Variants in KIF2A observed in about 807,000 individuals in gnomAD.
The protein encoded by KIF2A is kinesin-like protein KIF2A.
KIF2A carries 22 observed loss-of-function variants against 100.2 expected under a neutral mutation model. That is an observed-to-expected ratio of 0.22 (90% CI 0.16 to 0.31). KIF2A has a LOEUF of 0.31. Ranked by LOEUF, KIF2A falls within the 10% of genes least tolerant of loss-of-function variation. The probability of loss-of-function intolerance (pLI) is 1.00; values close to 1 mark genes in which losing one functional copy is unlikely to be tolerated. For missense variants in KIF2A, 495 were observed against 898.7 expected (o/e 0.55, Z 5.74); for synonymous variants, 268 against 285.9 (o/e 0.94, Z 0.63).
At chr5:62,310,067 A>ATTT (rs67787762) in intron 1 of KIF2A, among the ~76,000 whole-genome samples, 4 of 123,068 alleles carry the variant, frequency 3.3e-5, no homozygotes, top group East Asian at 4.8e-4. Flanking sequence ...ATAACTAATA[A>ATTT]TTCTTTTTTT....
chr5:62,381,286 T>A (rs920303153), intron 20 of KIF2A, 33 bp downstream of exon 20: 3 of 1,586,958 alleles, frequency 1.9e-6, no homozygotes, highest in Non-Finnish European at 2.6e-6. Context: ...GTTTGAAATC[T>A]GATTGGTATT....
intron 1 of KIF2A, among the ~76,000 whole-genome samples, chr5:62,332,465 A>T (rs772767275): frequency 3.3e-5 from 5 of 152,180 alleles, no homozygotes; most frequent in Non-Finnish European, 7.4e-5. Flanking sequence ...TTGAGCCTTA[A>T]GTGGGGTAAA....
At chr5:62,344,753 A>C (rs1747471722) in intron 1 of KIF2A, among the ~76,000 whole-genome samples, 1 of 152,220 alleles carries the variant, frequency 6.6e-6, no homozygotes, top group Non-Finnish European at 1.5e-5. Context: ...TCATTTATGG[A>C]ATGCTTTGTG....
Position 62,372,487 on chromosome 5 carries a change from A to G in KIF2A, c.1696A>G (p.Ser566Gly). ...ATCAGACATTCCCTTCTCACAGGGT[A>G]GTGGCAGTCGCCCTGATCTCTCTCC... ...SPSDIPFSQGSGSRPDLSPSY... is the reference protein window; with the variant it reads ...SPSDIPFSQGGGSRPDLSPSY... The change falls in exon 17 of 21, where the codon AGT becomes GGT. Residue 566 changes from serine (S) to glycine (G), a missense_variant. Physicochemically the swap from Ser to Gly is moderately conservative, Grantham distance 56 (BLOSUM62 0). Transcript: ENST00000407818. 1 of 1,613,180 alleles carries G rather than the reference A, an allele frequency of 6.2e-7. No homozygotes were observed. Among genetic ancestry groups the G allele is most frequent in the South Asian group, 1.1e-5 (1 of 90,974 alleles).
At chr5:62,348,928 G>A (rs1028995542) in intron 3 of KIF2A, among the ~76,000 whole-genome samples, 2 of 152,188 alleles carry the variant, frequency 1.3e-5, no homozygotes. Context: ...CTTTCAGCCT[G>A]TAGGAACTTG....
rs891245694 is a variant in KIF2A at position 62,342,451 on chromosome 5, C to T, written c.65-4679C>T. On this transcript the variant is annotated intron_variant, in intron 1 of 20. Coordinates refer to ENST00000407818, the MANE Select transcript of KIF2A (RefSeq NM_001098511.3). ...TTCAGGGAGTGCAGTTAGCTGACAACCTCCAGTTGTTAGTACCTTCAGGGC... is the reference window on the plus strand; with the variant it reads ...TTCAGGGAGTGCAGTTAGCTGACAATCTCCAGTTGTTAGTACCTTCAGGGC... 7.2e-5 allele frequency among the ~76,000 whole-genome samples: 11 copies of T among 152,258 alleles called. No homozygotes were observed. The East Asian group carries it at 1.7e-3, about 24-fold the overall frequency.
chr5:62,369,489 G>C (rs247221), intron 16 of KIF2A, among the ~76,000 whole-genome samples: 73,270 of 152,020 alleles, frequency 0.48, 18,485 homozygotes, highest in East Asian at 0.63. Flanking sequence ...TTACCTCCAC[G>C]TGGTCTCTCC....
chr5:62,317,114 T>C (rs1425254761), intron 1 of KIF2A, among the ~76,000 whole-genome samples: 1 of 151,862 alleles, frequency 6.6e-6, no homozygotes, highest in Non-Finnish European at 1.5e-5. Flanking sequence ...AGTGGTGCAA[T>C]ATCGGCTCAC....
At chr5:62,347,318 G>T in intron 2 of KIF2A, 94 bp downstream of exon 2, 1 of 680,846 alleles carries the variant, frequency 1.5e-6, no homozygotes, top group South Asian at 2.1e-5. Flanking sequence ...ATTTTATTTA[G>T]TGCATATATT....
chr5:62,326,889 G>C (rs9291759), intron 1 of KIF2A, among the ~76,000 whole-genome samples: 135,505 of 152,054 alleles, frequency 0.89, 60,544 homozygotes, highest in Middle Eastern at 0.93. Context: ...CCTACCTACT[G>C]AGGAGGCTGA....
At chr5:62,368,820 A>G (rs1054365630) in intron 16 of KIF2A, among the ~76,000 whole-genome samples, 8 of 152,110 alleles carry the variant, frequency 5.3e-5, no homozygotes, top group Non-Finnish European at 1.0e-4. Flanking sequence ...AGTATGAACT[A>G]TTATATTTTG....
chr5:62,390,747 G>A lies in KIF2A; in HGVS notation c.*5178G>A. On this transcript the variant is annotated 3_prime_UTR_variant, in exon 21 of 21. Coordinates refer to ENST00000407818, the MANE Select transcript of KIF2A (RefSeq NM_001098511.3). ...TCTTCTACACCAAATACTATTCCAT[G>A]CCATGGAAGTGCTATGCAATAACTC... 1.4e-6 allele frequency: 1 copy of A among 718,212 alleles called. No homozygotes were observed. The highest frequency in any genetic ancestry group is 2.5e-5 in the East Asian group (1 of 39,508). The allele number at this position is 718,212 out of a possible 1,614,324, so 44.5% of individuals were successfully genotyped here. A position where few individuals can be genotyped will look rare whatever the true frequency, so the allele number is the denominator to read the frequency against.
At chr5:62,363,103 C>A in intron 12 of KIF2A, 75 bp from the exon 13 acceptor site, 1 of 1,249,296 alleles carries the variant, frequency 8.0e-7, no homozygotes, top group Non-Finnish European at 1.1e-6. Context: ...GCTGGGATTA[C>A]AGGCGTGAGC....
chr5:62,348,818 C>A (rs373557092), intron 3 of KIF2A, among the ~76,000 whole-genome samples: 11 of 147,826 alleles, frequency 7.4e-5, no homozygotes, highest in African/African-American at 2.8e-4. Flanking sequence ...TCTTTGTGTT[C>A]ATCTCAACAA....
At chr5:62,360,868 T>C (rs1352173979) in intron 9 of KIF2A, among the ~76,000 whole-genome samples, 2 of 152,194 alleles carry the variant, frequency 1.3e-5, no homozygotes, top group East Asian at 1.9e-4. Flanking sequence ...AGATGGTCTA[T>C]AGATAATATT....
At chr5:62,308,266 A>C in intron 1 of KIF2A, 1 of 1,135,166 alleles carries the variant, frequency 8.8e-7, no homozygotes, top group Non-Finnish European at 1.2e-6. Context: ...TTTTCTCTTC[A>C]GATTACTTTC....
intron 16 of KIF2A, among the ~76,000 whole-genome samples, chr5:62,370,424 G>A (rs1741271021): frequency 6.6e-6 from 1 of 152,058 alleles, no homozygotes; most frequent in Non-Finnish European, 1.5e-5. Flanking sequence ...CTCCCGAGTA[G>A]CTGGGATTAC....
Position 62,385,851 on chromosome 5 carries a change from A to G in KIF2A, c.*282A>G, listed in dbSNP as rs776995633. 2.1e-4 allele frequency: 86 copies of G among 400,190 alleles called. No individual in the cohort carries two copies. The highest frequency in any genetic ancestry group is 3.4e-4 in the Non-Finnish European group (74 of 215,418). The allele number at this position is 400,190 out of a possible 1,614,324, so 24.8% of individuals were successfully genotyped here. On this transcript the variant is annotated 3_prime_UTR_variant, in exon 21 of 21. Coordinates refer to ENST00000407818, the MANE Select transcript of KIF2A (RefSeq NM_001098511.3). ...CCTTGTCAGTTTTATTTTCTATTTGATGAAGTAAGACTGTGGACTCAATCC... is the reference window on the plus strand; with the variant it reads ...CCTTGTCAGTTTTATTTTCTATTTGGTGAAGTAAGACTGTGGACTCAATCC...
chr5:62,371,758 G>C (rs1374065826), intron 16 of KIF2A, among the ~76,000 whole-genome samples: 2 of 152,168 alleles, frequency 1.3e-5, no homozygotes, highest in African/African-American at 4.8e-5. Flanking sequence ...TGGCCCAAAA[G>C]AGACATAAGG....
Sources: allele counts gnomAD v4.1 joint callset (sites outside exome capture counted in the v4.1 genomes callset), GRCh38; gene constraint gnomAD v4.1.1; transcripts MANE v1.5; gene names NCBI Gene and HGNC (gene_info 2026-07-23, HGNC 2026-07-21).